UNC13C: variants seen among roughly 807,000 people sequenced by gnomAD.
UNC13C encodes unc-13 homolog C.
In UNC13C, 174 loss-of-function variants were observed where a neutral mutation model predicts 245.4. The observed-to-expected ratio is 0.71, with a 90% confidence interval of 0.63 to 0.80. The LOEUF (loss-of-function observed/expected upper bound fraction) is 0.80, where lower values mean the gene tolerates loss of function less well. Among genes scored for constraint, UNC13C ranks in the 30% least tolerant of loss-of-function variants. UNC13C has a pLI of 0.00. For synonymous variants in UNC13C, 992 were observed against 895.1 expected, an observed-to-expected ratio of 1.11 and a Z score of -1.93; for missense variants, 2,829 against 2,602.9, an observed-to-expected ratio of 1.09 and a Z score of -1.89.
chr15:53,854,311 G>A, the UNC13C span, among the ~76,000 whole-genome samples: 1 of 151,664 alleles, frequency 6.6e-6, no homozygotes, highest in African/African-American at 2.4e-5. Flanking sequence ...AGTAGAGACA[G>A]GGTTTCACCA....
At chr15:54,316,899 A>G (rs1177198771) in intron 13 of UNC13C, among the ~76,000 whole-genome samples, 2 of 151,998 alleles carry the variant, frequency 1.3e-5, no homozygotes, top group Non-Finnish European at 2.9e-5. Flanking sequence ...CTGTACAACA[A>G]AATTAGGATT....
chr15:54,164,107 T>C (rs1056707077), intron 4 of UNC13C, among the ~76,000 whole-genome samples: 4 of 152,204 alleles, frequency 2.6e-5, no homozygotes, highest in Non-Finnish European at 5.9e-5. Context: ...TATGTGTAAG[T>C]ATATTAAAAC....
At chr15:54,431,750 T>C (rs2040877989) in intron 19 of UNC13C, among the ~76,000 whole-genome samples, 1 of 151,692 alleles carries the variant, frequency 6.6e-6, no homozygotes, top group African/African-American at 2.4e-5. Flanking sequence ...TTAGACCATA[T>C]GGTCTCTGTA....
chr15:53,930,607 T>TGGTC, the UNC13C span, among the ~76,000 whole-genome samples: 5 of 152,228 alleles, frequency 3.3e-5, no homozygotes, highest in African/African-American at 1.2e-4. Context: ...AACACCCTAT[T>TGGTC]GGTCTGTCTG....
intron 4 of UNC13C, among the ~76,000 whole-genome samples, chr15:54,210,647 A>C (rs1386905588): frequency 6.6e-6 from 1 of 152,164 alleles, no homozygotes; most frequent in African/African-American, 2.4e-5. Flanking sequence ...TACTTTAAGA[A>C]CTATGAATTT....
intron 18 of UNC13C, among the ~76,000 whole-genome samples, chr15:54,408,226 A>AAAAAAAC (rs2040346910): frequency 6.9e-6 from 1 of 145,778 alleles, no homozygotes; most frequent in Non-Finnish European, 1.5e-5. Context: ...AAAAAAAAAA[A>AAAAAAAC]AAACATGGGC....
chr15:54,293,890 T>A lies in UNC13C; in HGVS notation c.3819-5T>A. Reference sequence around the variant, plus strand: ...TGTTGTTAACTTATCCACATTTATTTTCAGTGAGTGTCATAACTCCACAGA... The same window carrying A: ...TGTTGTTAACTTATCCACATTTATTATCAGTGAGTGTCATAACTCCACAGA... On this transcript the variant is annotated splice_region_variant and splice_polypyrimidine_tract_variant and intron_variant, in intron 10 of 32. Coordinates refer to ENST00000260323, the MANE Select transcript of UNC13C (RefSeq NM_001080534.3). 1 of 1,534,638 alleles carries A rather than the reference T, an allele frequency of 6.5e-7. No individual in the cohort carries two copies. The highest frequency in any genetic ancestry group is 1.3e-5 in the South Asian group (1 of 77,906).
intron 14 of UNC13C, among the ~76,000 whole-genome samples, chr15:54,323,741 A>T (rs571244577): frequency 1.3e-5 from 2 of 152,132 alleles, no homozygotes; most frequent in East Asian, 3.9e-4. Flanking sequence ...TGTTATAAAA[A>T]CCTCATCTTA....
the UNC13C span, among the ~76,000 whole-genome samples, chr15:53,942,855 G>A: frequency 3.4e-3 from 513 of 152,252 alleles, 28 homozygotes; most frequent in East Asian, 0.087. Context: ...TAGACACGGG[G>A]TTTCGCCATG....
chr15:54,280,210 G>T (rs762201641), intron 10 of UNC13C, among the ~76,000 whole-genome samples: 8 of 152,008 alleles, frequency 5.3e-5, no homozygotes, highest in Non-Finnish European at 8.8e-5. Context: ...CTACTTAAAT[G>T]TCTATCTACT....
chr15:54,388,330 G>C (rs940697507), intron 17 of UNC13C, among the ~76,000 whole-genome samples: 1 of 151,928 alleles, frequency 6.6e-6, no homozygotes, highest in Non-Finnish European at 1.5e-5. Context: ...CTGGCTTTTA[G>C]GCTTCAACAT....
At chr15:54,297,765 C>A (rs1480476924) in intron 11 of UNC13C, 46 bp from the exon 12 acceptor site, 1 of 1,383,746 alleles carries the variant, frequency 7.2e-7, no homozygotes, top group Non-Finnish European at 1.0e-6. Context: ...ATGAGAAAAA[C>A]ATTATTGTCA....
At chr15:53,939,899 T>G in the UNC13C span, among the ~76,000 whole-genome samples, 1 of 152,106 alleles carries the variant, frequency 6.6e-6, no homozygotes, top group Non-Finnish European at 1.5e-5. Flanking sequence ...GGAGACAGCC[T>G]TGAGCTTACA....
intron 19 of UNC13C, among the ~76,000 whole-genome samples, chr15:54,431,527 T>C (rs1256047321): frequency 6.6e-6 from 1 of 151,720 alleles, no homozygotes; most frequent in Non-Finnish European, 1.5e-5. Flanking sequence ...GTCAAATATT[T>C]TTATTGTTTC....
rs184343405 is a variant in UNC13C, at chr15:54,048,967, C to T, written c.2983+33081C>T. The stretch of plus-strand genomic sequence containing the variant: ...AGCCTGCAAAGGACATTGCATGTAT[C>T]ACTCCAGGCCAAAGTATGCACCATT... On this transcript the variant is annotated intron_variant, in intron 2 of 32. Transcript: ENST00000260323. 4.1e-4 allele frequency: 137 copies of T among 335,496 alleles called. 1 individual carries two copies. The highest frequency in any genetic ancestry group is 2.9e-3 in the African/African-American group (131 of 45,420). The allele number at this position is 335,496 out of a possible 1,614,324, so 20.8% of individuals were successfully genotyped here.
At chr15:54,053,556 C>G (rs776025788) in intron 2 of UNC13C, among the ~76,000 whole-genome samples, 25 of 152,116 alleles carry the variant, frequency 1.6e-4, no homozygotes, top group Non-Finnish European at 3.2e-4. Context: ...TATTTTGATA[C>G]AGACATACGA....
intron 4 of UNC13C, among the ~76,000 whole-genome samples, chr15:54,211,327 G>A (rs1227511883): frequency 6.6e-6 from 1 of 152,082 alleles, no homozygotes; most frequent in Admixed American, 6.6e-5. Context: ...AAAGGGGAAT[G>A]AAAATTCAAT....
At chr15:54,249,830 T>C (rs1167656220) in intron 7 of UNC13C, among the ~76,000 whole-genome samples, 1 of 151,728 alleles carries the variant, frequency 6.6e-6, no homozygotes, top group Non-Finnish European at 1.5e-5. Flanking sequence ...TGAGGAGGGG[T>C]GAAGTGTCAG....
intron 10 of UNC13C, among the ~76,000 whole-genome samples, chr15:54,274,901 AC>A (rs1403691428): frequency 6.6e-6 from 1 of 151,932 alleles, no homozygotes; most frequent in African/African-American, 2.4e-5. Context: ...CAATCTCCTG[AC>A]CTTGTGATCC....
Sources: allele counts gnomAD v4.1 joint callset (sites outside exome capture counted in the v4.1 genomes callset), GRCh38; gene constraint gnomAD v4.1.1; transcripts MANE v1.5; gene names NCBI Gene and HGNC (gene_info 2026-07-23, HGNC 2026-07-21).